PDE1C: variants seen among roughly 807,000 people sequenced by gnomAD.
The protein encoded by PDE1C is phosphodiesterase 1C.
A neutral mutation model predicts 93.1 loss-of-function variants in PDE1C; 62 were observed. That is an observed-to-expected ratio of 0.67 (90% CI 0.54 to 0.82). The LOEUF is 0.82. Among genes scored for constraint, PDE1C ranks in the 40% least tolerant of loss-of-function variants. The probability of loss-of-function intolerance (pLI) is 0.00; values close to 1 mark genes in which losing one functional copy is unlikely to be tolerated. For synonymous variants in PDE1C, 325 were observed against 310.1 expected, an observed-to-expected ratio of 1.05 and a Z score of -0.50; for missense variants, 742 against 884.6, an observed-to-expected ratio of 0.84 and a Z score of 2.04.
intron 2 of PDE1C, among the ~76,000 whole-genome samples, chr7:31,890,662 C>T (rs1011521079): frequency 1.3e-5 from 2 of 152,226 alleles, no homozygotes; most frequent in South Asian, 2.1e-4. Flanking sequence ...GTAAGATAAA[C>T]CTAAGGTTAC....
At chr7:32,207,010 A>G (rs916001761) in intron 2 of PDE1C, among the ~76,000 whole-genome samples, 5 of 152,116 alleles carry the variant, frequency 3.3e-5, no homozygotes, top group Non-Finnish European at 5.9e-5. Context: ...ATGTTACTGT[A>G]TGTGCCCACA....
At chr7:32,024,561 G>T (rs765177809) in intron 2 of PDE1C, among the ~76,000 whole-genome samples, 1 of 151,622 alleles carries the variant, frequency 6.6e-6, no homozygotes, top group Non-Finnish European at 1.5e-5. Context: ...CTTTCTTATT[G>T]CATAACCTCA....
chr7:31,948,651 A>G (rs1806946863), intron 2 of PDE1C, among the ~76,000 whole-genome samples: 1 of 151,938 alleles, frequency 6.6e-6, no homozygotes, highest in Admixed American at 6.6e-5. Flanking sequence ...CATCTTACTT[A>G]TCTTTTTGCG....
chr7:32,341,171 G>GTTTTTT (rs1585117105), intron 1 of PDE1C, among the ~76,000 whole-genome samples: 9 of 50,376 alleles, frequency 1.8e-4, no homozygotes, highest in Non-Finnish European at 2.4e-4. Flanking sequence ...TAGAAATAAA[G>GTTTTTT]TCTTTTTTTT....
intron 1 of PDE1C, among the ~76,000 whole-genome samples, chr7:32,305,570 C>T (rs1030707582): frequency 3.3e-5 from 5 of 152,214 alleles, no homozygotes; most frequent in African/African-American, 7.2e-5. Flanking sequence ...TCTTCCTATC[C>T]TTCCTCCAGA....
At chr7:31,976,241 G>A (rs1811647503) in intron 2 of PDE1C, among the ~76,000 whole-genome samples, 1 of 152,048 alleles carries the variant, frequency 6.6e-6, no homozygotes, top group South Asian at 2.1e-4. Flanking sequence ...ATCCAATGTG[G>A]GTAAGAAGAA....
chr7:31,837,103 T>A (rs371640608), intron 11 of PDE1C, 77 bp downstream of exon 11: 2 of 1,460,492 alleles, frequency 1.4e-6, no homozygotes, highest in Admixed American at 1.8e-5. Flanking sequence ...ATAGTCCTTA[T>A]CCTAGCATTG....
chr7:32,133,278 G>A (rs559237451), intron 3 of PDE1C, among the ~76,000 whole-genome samples: 1 of 152,242 alleles, frequency 6.6e-6, no homozygotes, highest in Admixed American at 6.5e-5. Context: ...ACTCTAGAAA[G>A]AATTTAAAAA....
chr7:32,340,179 G>T (rs549919966), intron 1 of PDE1C, among the ~76,000 whole-genome samples: 1 of 152,122 alleles, frequency 6.6e-6, no homozygotes, highest in Non-Finnish European at 1.5e-5. Flanking sequence ...GGAGCAGGAT[G>T]GTTGAAATCT....
At chr7:32,144,985 A>G (rs1800750932) in intron 3 of PDE1C, among the ~76,000 whole-genome samples, 1 of 152,240 alleles carries the variant, frequency 6.6e-6, no homozygotes, top group Non-Finnish European at 1.5e-5. Flanking sequence ...AACAAAAAGT[A>G]TAAATTATTC....
intron 1 of PDE1C, among the ~76,000 whole-genome samples, chr7:32,219,426 C>G (rs1430624965): frequency 6.6e-6 from 1 of 152,222 alleles, no homozygotes; most frequent in African/African-American, 2.4e-5. Context: ...GCACTCAGAT[C>G]TTTCTATCTG....
At chr7:32,250,795 T>C (rs1347803050) in intron 1 of PDE1C, among the ~76,000 whole-genome samples, 2 of 152,218 alleles carry the variant, frequency 1.3e-5, no homozygotes, top group Admixed American at 6.5e-5. Context: ...ATCTGTTTCA[T>C]AGTTAACCCA....
chr7:32,036,401 C>T (rs79567292), intron 2 of PDE1C, among the ~76,000 whole-genome samples: 38 of 152,010 alleles, frequency 2.5e-4, no homozygotes, highest in Non-Finnish European at 1.6e-4. Context: ...CAATGCCCTA[C>T]GTTTCACCTT....
chr7:31,835,243 C>T (rs1790913313), intron 11 of PDE1C, among the ~76,000 whole-genome samples: 1 of 152,030 alleles, frequency 6.6e-6, no homozygotes, highest in African/African-American at 2.4e-5. Flanking sequence ...GGTGATATTG[C>T]AAAAGTATTA....
chr7:32,224,292 G>C (rs1345094092), intron 1 of PDE1C, among the ~76,000 whole-genome samples: 3 of 152,112 alleles, frequency 2.0e-5, no homozygotes, highest in Non-Finnish European at 4.4e-5. Context: ...AGGATCGCTT[G>C]AACTCAGGAG....
chr7:31,698,159 T>A, the PDE1C span, among the ~76,000 whole-genome samples: 1 of 152,194 alleles, frequency 6.6e-6, no homozygotes, highest in Non-Finnish European at 1.5e-5. Flanking sequence ...AAGATAAAAT[T>A]TGGCTGTTGT....
At chr7:31,667,066 A>G in the PDE1C span, among the ~76,000 whole-genome samples, 1 of 152,142 alleles carries the variant, frequency 6.6e-6, no homozygotes, top group South Asian at 2.1e-4. Flanking sequence ...CATTAGGGAC[A>G]TGGATACGGG....
chr7:31,790,063 C>G (rs1784401469), intron 16 of PDE1C: 32 of 1,403,906 alleles, frequency 2.3e-5, no homozygotes, highest in Non-Finnish European at 3.0e-5. Context: ...AAAGATTCAT[C>G]CCCTGGAAGG....
intron 3 of PDE1C, among the ~76,000 whole-genome samples, chr7:32,100,096 G>A (rs1472409285): frequency 1.3e-5 from 2 of 152,174 alleles, no homozygotes; most frequent in Admixed American, 6.5e-5. Flanking sequence ...GAGTCCCTTA[G>A]ACTCCATCCC....
Sources: allele counts gnomAD v4.1 joint callset (sites outside exome capture counted in the v4.1 genomes callset), GRCh38; gene constraint gnomAD v4.1.1; transcripts MANE v1.5; gene names NCBI Gene and HGNC (gene_info 2026-07-23, HGNC 2026-07-21).